Variants in ITPA observed in about 807,000 individuals in gnomAD.
The protein encoded by ITPA is inosine triphosphatase.
In ITPA, 29 loss-of-function variants were observed where a neutral mutation model predicts 29.6. The ratio of observed to expected loss-of-function variants is 0.98; its 90% confidence interval spans 0.73 to 1.34. ITPA has a LOEUF of 1.34. Among genes scored for constraint, ITPA ranks in the 40% most tolerant of loss-of-function variants. The pLI, the probability that ITPA is intolerant of heterozygous loss-of-function variation, is 0.00. For missense variants in ITPA, 241 were observed against 251.5 expected (o/e 0.96, Z 0.28); for synonymous variants, 103 against 99.3 (o/e 1.04, Z -0.22).
At chr20:3,226,453 G>A (rs2067555746), downstream of ITPA, among the ~76,000 whole-genome samples, 1 of 152,090 alleles carries the variant, frequency 6.6e-6, no homozygotes, top group Non-Finnish European at 1.5e-5. This position sits in a 1 kb window ranked among gnomAD's most constrained non-coding sequence, Gnocchi z 4.4. Flanking sequence ...TTGGTTCTCG[G>A]GGCCCTGGGG....
downstream of ITPA, among the ~76,000 whole-genome samples, chr20:3,224,147 T>C (rs1377290740): frequency 6.6e-6 from 1 of 152,200 alleles, no homozygotes; most frequent in East Asian, 1.9e-4. Flanking sequence ...CCAGTGCTTT[T>C]GCCTTATGCT....
upstream of ITPA, chr20:3,204,585 C>T (rs2067057798): frequency 6.3e-7 from 1 of 1,579,852 alleles, no homozygotes; most frequent in African/African-American, 1.3e-5. Context: ...ATAAAGCCGA[C>T]TAGCAGAGCC....
In ITPA at chr20:3,223,522, T is replaced by C; in HGVS notation, c.*60T>C. On this transcript the variant is annotated 3_prime_UTR_variant, in exon 8 of 8. Coordinates refer to ENST00000380113, the MANE Select transcript of ITPA (RefSeq NM_033453.4). Reference sequence around the variant, plus strand: ...ATCTGGGGAGGGCTAGCCCAAAACCTCCCGCATCGGGCAGGCACCCCCTGA... The same window carrying C: ...ATCTGGGGAGGGCTAGCCCAAAACCCCCCGCATCGGGCAGGCACCCCCTGA... 1 of 1,335,120 alleles carries C rather than the reference T, an allele frequency of 7.5e-7. No individual in the cohort carries two copies. Among genetic ancestry groups the C allele is most frequent in the Non-Finnish European group, 1.1e-6 (1 of 945,660 alleles). 82.7% of individuals were successfully genotyped at this position (1,335,120 alleles called of 1,614,324 possible).
chr20:3,226,461 G>A (rs2067555793), downstream of ITPA, among the ~76,000 whole-genome samples: 1 of 152,124 alleles, frequency 6.6e-6, no homozygotes, highest in South Asian at 2.1e-4. The surrounding 1 kb of genome is among the most constrained non-coding windows in gnomAD (Gnocchi z 4.4). Context: ...CGGGGCCCTG[G>A]GGGCTCCTGA....
chr20:3,207,032 A>G (rs936168401), upstream of ITPA, among the ~76,000 whole-genome samples: 11 of 152,064 alleles, frequency 7.2e-5, no homozygotes, highest in East Asian at 5.8e-4. Context: ...TAAATAAATA[A>G]AAGAATGAAA....
In ITPA at chr20:3,213,934, AG is replaced by A. The variant is rs1309961250; in HGVS notation, c.190-49del. ...GTGACGCGGGTGACCTGGACGTTCC[AG>A]GTGGGGATGGTGATCATGGGTCTCA... On this transcript the variant is annotated intron_variant, in intron 3 of 7. Coordinates refer to ENST00000380113, the MANE Select transcript of ITPA (RefSeq NM_033453.4). The A allele has an allele frequency of 2.5e-6, 4 of 1,592,298 alleles. No individual in the cohort carries two copies. In the East Asian group the frequency reaches 8.9e-5, roughly 36 times the overall value.
In ITPA at chr20:3,223,487, C is replaced by G; in HGVS notation, c.*25C>G. ...ACTTCTGCAGCTGGAGGAGGCCCCT[C>G]AGGCCGGGGATCTGGGGAGGGCTAG... On this transcript the variant is annotated 3_prime_UTR_variant, in exon 8 of 8. Coordinates refer to ENST00000380113, the MANE Select transcript of ITPA (RefSeq NM_033453.4). 1 of 1,578,780 alleles carries G rather than the reference C, an allele frequency of 6.3e-7. No homozygotes were observed. The highest frequency in any genetic ancestry group is 8.7e-7 in the Non-Finnish European group (1 of 1,153,790).
At position 3,209,513 on chromosome 20, in the gene ITPA, G is replaced by A. The variant is rs751432726; in HGVS notation, c.-39G>A. ...GAAGTTTTCTGTCACTGGACGCCAA[G>A]GAGTTTTCGGTGGCTCAGCTGGGTA... On this transcript the variant is annotated 5_prime_UTR_variant, in exon 1 of 8. Coordinates refer to ENST00000380113, the MANE Select transcript of ITPA (RefSeq NM_033453.4). The surrounding 1 kb of genome is among the most constrained non-coding windows in gnomAD (Gnocchi z 4.6). 6.3e-7 allele frequency: 1 copy of A among 1,592,056 alleles called. No homozygotes were observed. Among genetic ancestry groups the A allele is most frequent in the Admixed American group, 1.7e-5 (1 of 59,892 alleles).
At chr20:3,226,001 G>C (rs1361768676), downstream of ITPA, among the ~76,000 whole-genome samples, 4 of 152,242 alleles carry the variant, frequency 2.6e-5, no homozygotes, top group Non-Finnish European at 5.9e-5. The surrounding 1 kb of genome is among the most constrained non-coding windows in gnomAD (Gnocchi z 4.4). Context: ...TGCACACTGA[G>C]AGTGAGACGC....
chr20:3,222,309 G>T (rs2067486070), intron 7 of ITPA, among the ~76,000 whole-genome samples: 2 of 148,786 alleles, frequency 1.3e-5, no homozygotes, highest in African/African-American at 5.0e-5. Flanking sequence ...TGCACCCTCT[G>T]CCTCCCAGGT....
intron 3 of ITPA, 60 bp downstream of exon 3, chr20:3,213,443 G>T: frequency 6.2e-7 from 1 of 1,600,408 alleles, no homozygotes; most frequent in Admixed American, 1.7e-5. Context: ...TCCAGGGCCT[G>T]CGCCTGCTAG....
At chr20:3,209,419 T>A, upstream of ITPA, 1 of 842,502 alleles carries the variant, frequency 1.2e-6, no homozygotes, top group Admixed American at 2.0e-5. The surrounding 1 kb of genome is among the most constrained non-coding windows in gnomAD (Gnocchi z 4.6). Flanking sequence ...ATACGCGCCT[T>A]GGGGTCCGGG....
At chr20:3,204,497 A>T, upstream of ITPA, 1 of 1,534,510 alleles carries the variant, frequency 6.5e-7, no homozygotes, top group Non-Finnish European at 8.7e-7. Context: ...AAGGCCAGAA[A>T]ACCCGGTACC....
At chr20:3,218,078 C>G (rs924254985) in intron 5 of ITPA, among the ~76,000 whole-genome samples, 1 of 151,998 alleles carries the variant, frequency 6.6e-6, no homozygotes, top group Non-Finnish European at 1.5e-5. Context: ...CCACCACGCC[C>G]GGCTAATTTT....
chr20:3,214,363 CTTTTTTTT>C (rs57982806), intron 4 of ITPA, among the ~76,000 whole-genome samples: 9 of 112,940 alleles, frequency 8.0e-5, no homozygotes, highest in African/African-American at 2.1e-4. Flanking sequence ...TTCTTCCTTT[CTTTTTTTT>C]TTTTTTTTTT....
upstream of ITPA, chr20:3,204,412 A>T: frequency 1.1e-6 from 1 of 945,930 alleles, no homozygotes; most frequent in Non-Finnish European, 1.6e-6. Context: ...CGACTAGCGC[A>T]CGGACGCGCA....
Position 3,217,905 on chromosome 20 carries a change from G to GTTT in ITPA, c.296-612_296-611insTTT, listed in dbSNP as rs372604621. On this transcript the variant is annotated intron_variant, in intron 5 of 7. Transcript: ENST00000380113. Reference sequence around the variant, plus strand: ...CTATTACAGTTGGTTAGTTTTTGTGGGTTTTTTTTTGTTTTTGTTTTTTCT... The same window carrying GTTT: ...CTATTACAGTTGGTTAGTTTTTGTGGTTTGTTTTTTTTTGTTTTTGTTTTTTCT... Among the ~76,000 whole-genome samples the GTTT allele has an allele frequency of 3.9e-3, 570 of 146,286 alleles. 4 individuals are homozygous for GTTT. The highest frequency in any genetic ancestry group is 0.011 in the African/African-American group (440 of 39,974).
chr20:3,216,539 C>T (rs1394997659), intron 5 of ITPA, among the ~76,000 whole-genome samples: 21 of 150,376 alleles, frequency 1.4e-4, no homozygotes, highest in African/African-American at 2.5e-4. Context: ...CTACAACCTC[C>T]GCCTCCCGGG....
At position 3,214,041 on chromosome 20, in the gene ITPA, G is replaced by T. The variant is rs763647607; in HGVS notation, c.246G>T (p.Gly82=). ...DTCLCFNALG[G]LPGPYIKWFL... is the part of the protein sequence containing the mutation. ...GTCTGTGCTTCAATGCCCTTGGAGGGCTCCCCGGCCCCTACATGTGAGTGA... is the reference window on the plus strand; with the variant it reads ...GTCTGTGCTTCAATGCCCTTGGAGGTCTCCCCGGCCCCTACATGTGAGTGA... The change falls in exon 4 of 8, where the codon GGG becomes GGT. Residue 82 remains glycine (G), a synonymous_variant. Transcript: ENST00000380113. The T allele has an allele frequency of 6.2e-7, 1 of 1,614,182 alleles. No homozygotes were observed. Among genetic ancestry groups the T allele is most frequent in the Non-Finnish European group, 8.5e-7 (1 of 1,180,042 alleles).
Sources: gnomAD v4.1 joint callset for allele counts (sites outside exome capture counted in the v4.1 genomes callset) on GRCh38, gnomAD v4.1.1 for gene constraint, Gnocchi (gnomAD v3.1) non-coding constraint, MANE v1.5 for transcripts, NCBI Gene and HGNC (gene_info 2026-07-23, HGNC 2026-07-21) for gene names.